DLG2: variants seen among roughly 807,000 people sequenced by gnomAD.
DLG2 encodes disks large homolog 2.
DLG2 carries 45 observed loss-of-function variants against 132.5 expected under a neutral mutation model. That is an observed-to-expected ratio of 0.34 (90% CI 0.27 to 0.44). The LOEUF is 0.44. Ranked by LOEUF, DLG2 falls within the 20% of genes least tolerant of loss-of-function variation. DLG2 has a pLI of 1.00. For missense variants in DLG2, 1,045 were observed against 1,196.9 expected, an observed-to-expected ratio of 0.87 and a Z score of 1.87; for synonymous variants, 424 against 419.6, an observed-to-expected ratio of 1.01 and a Z score of -0.13.
At chr11:83,895,870 A>G (rs1427146597) in intron 15 of DLG2, among the ~76,000 whole-genome samples, 2 of 152,224 alleles carry the variant, frequency 1.3e-5, no homozygotes, top group Non-Finnish European at 2.9e-5. Context: ...GGCTGCAACC[A>G]TAACACATTA....
At chr11:84,534,513 G>A in intron 7 of DLG2, 57 bp downstream of exon 7, 1 of 1,536,426 alleles carries the variant, frequency 6.5e-7, no homozygotes, top group South Asian at 1.1e-5. Context: ...ATCTCCATTA[G>A]CAATTAAGAC....
At chr11:83,670,391 A>AC (rs397776739) in intron 18 of DLG2, among the ~76,000 whole-genome samples, 4 of 150,962 alleles carry the variant, frequency 2.6e-5, no homozygotes, top group South Asian at 4.2e-4. Context: ...GAAAAAAAAA[A>AC]CCCATCACTG....
chr11:84,895,973 T>C (rs932675558), intron 6 of DLG2, among the ~76,000 whole-genome samples: 1 of 152,126 alleles, frequency 6.6e-6, no homozygotes, highest in Non-Finnish European at 1.5e-5. Flanking sequence ...TTTGAATTTA[T>C]GAATGTATTA....
chr11:84,028,520 A>T (rs1001202186), intron 11 of DLG2, among the ~76,000 whole-genome samples: 1 of 152,096 alleles, frequency 6.6e-6, no homozygotes, highest in African/African-American at 2.4e-5. Flanking sequence ...TTATTTTTTC[A>T]CAACCTTCAG....
At chr11:84,513,297 T>C (rs1364243839) in intron 7 of DLG2, among the ~76,000 whole-genome samples, 1 of 151,932 alleles carries the variant, frequency 6.6e-6, no homozygotes, top group African/African-American at 2.4e-5. Context: ...CCTATAAAAA[T>C]ACCAATGACA....
chr11:85,310,525 CA>C (rs2080250231), intron 3 of DLG2, among the ~76,000 whole-genome samples: 1 of 152,010 alleles, frequency 6.6e-6, no homozygotes, highest in Admixed American at 6.6e-5. Flanking sequence ...AAACAACCAG[CA>C]GATGTCTTGG....
chr11:84,238,660 G>C (rs948397235), intron 8 of DLG2, among the ~76,000 whole-genome samples: 1 of 149,284 alleles, frequency 6.7e-6, no homozygotes, highest in South Asian at 2.1e-4. Context: ...TTTGGAAATA[G>C]AGTTTTTAGC....
intron 19 of DLG2, among the ~76,000 whole-genome samples, chr11:83,616,380 G>T (rs1046603377): frequency 2.6e-5 from 4 of 152,148 alleles, no homozygotes; most frequent in Admixed American, 1.3e-4. Context: ...CAAACACTTG[G>T]TATGAACAGT....
chr11:83,489,328 A>G (rs1456818256), intron 21 of DLG2, among the ~76,000 whole-genome samples: 3 of 152,004 alleles, frequency 2.0e-5, no homozygotes, highest in East Asian at 1.9e-4. Context: ...GGGAAGCTCT[A>G]CAAGACAAAC....
chr11:85,510,190 T>C (rs574301817), intron 3 of DLG2: 1 of 152,102 alleles, frequency 6.6e-6, no homozygotes, highest in East Asian at 1.9e-4. Context: ...CCAGTCTGGC[T>C]AGAAGTGATT....
chr11:85,381,363 G>T (rs547321943), intron 3 of DLG2, among the ~76,000 whole-genome samples: 1 of 152,050 alleles, frequency 6.6e-6, no homozygotes. Context: ...ATGAATAAAG[G>T]GTATCTATGA....
At chr11:83,550,819 C>T (rs2096372259) in intron 19 of DLG2, among the ~76,000 whole-genome samples, 1 of 152,174 alleles carries the variant, frequency 6.6e-6, no homozygotes, top group Non-Finnish European at 1.5e-5. Flanking sequence ...GCTGACACAG[C>T]CCTGATTACA....
intron 22 of DLG2, among the ~76,000 whole-genome samples, chr11:83,473,638 A>G (rs543747237): frequency 6.6e-6 from 1 of 152,196 alleles, no homozygotes; most frequent in African/African-American, 2.4e-5. Context: ...TTGGAACAGC[A>G]ATAGGTTAGG....
At chr11:85,078,640 T>C (rs2066856718) in intron 6 of DLG2, among the ~76,000 whole-genome samples, 1 of 151,912 alleles carries the variant, frequency 6.6e-6, no homozygotes, top group African/African-American at 2.4e-5. Context: ...GGTCAAGAGC[T>C]AAAAAGCAGG....
chr11:85,114,781 A>G (rs2073309362), intron 5 of DLG2, among the ~76,000 whole-genome samples: 1 of 151,868 alleles, frequency 6.6e-6, no homozygotes, highest in Non-Finnish European at 1.5e-5. Flanking sequence ...GACCTAGAGA[A>G]CCCTAAAGAT....
intron 6 of DLG2, among the ~76,000 whole-genome samples, chr11:84,945,680 C>A (rs555842533): frequency 2.1e-4 from 32 of 152,248 alleles, no homozygotes; most frequent in African/African-American, 7.5e-4. Context: ...CAGCCCAGGG[C>A]ACGTCCAGAA....
chr11:84,818,554 A>G (rs2077321542), intron 6 of DLG2, among the ~76,000 whole-genome samples: 1 of 151,852 alleles, frequency 6.6e-6, no homozygotes, highest in Non-Finnish European at 1.5e-5. Flanking sequence ...GTTCAGAGAC[A>G]TTTACCATGA....
intron 4 of DLG2, among the ~76,000 whole-genome samples, chr11:85,234,928 C>G (rs2075500924): frequency 6.6e-6 from 1 of 151,926 alleles, no homozygotes; most frequent in South Asian, 2.1e-4. Flanking sequence ...TTTCCAATGT[C>G]CCTGTCAGAC....
intron 18 of DLG2, among the ~76,000 whole-genome samples, chr11:83,654,024 AT>A (rs946511545): frequency 2.1e-4 from 32 of 149,334 alleles, no homozygotes; most frequent in East Asian, 1.2e-3. Context: ...CTGGCCAAGA[AT>A]TTTTTTTTTT....
Sources: gnomAD v4.1 joint callset for allele counts (sites outside exome capture counted in the v4.1 genomes callset) on GRCh38, gnomAD v4.1.1 for gene constraint, MANE v1.5 for transcripts, NCBI Gene and HGNC (gene_info 2026-07-23, HGNC 2026-07-21) for gene names.